The following ZNF804B variants were observed in gnomAD, a reference collection of about 807,000 sequenced individuals.
The protein encoded by ZNF804B is zinc finger protein 804B.
In ZNF804B, 80 loss-of-function variants were observed where a neutral mutation model predicts 101.4. That is an observed-to-expected ratio of 0.79 (90% CI 0.66 to 0.95). The LOEUF (loss-of-function observed/expected upper bound fraction) is 0.95, where lower values mean the gene tolerates loss of function less well. Ranked by LOEUF, ZNF804B falls within the 40% of genes least tolerant of loss-of-function variation. ZNF804B has a pLI of 0.00. For synonymous variants in ZNF804B, 622 were observed against 558.8 expected (o/e 1.11, Z -1.59); for missense variants, 1,673 against 1,561.9 (o/e 1.07, Z -1.20).
intron 1 of ZNF804B, among the ~76,000 whole-genome samples, chr7:89,019,349 A>G (rs570086083): frequency 6.6e-6 from 1 of 152,100 alleles, no homozygotes; most frequent in South Asian, 2.1e-4. Flanking sequence ...AACATACTTG[A>G]TGTTATTTCA....
chr7:89,023,140 C>T (rs1459286066), intron 1 of ZNF804B, among the ~76,000 whole-genome samples: 1 of 152,222 alleles, frequency 6.6e-6, no homozygotes, highest in East Asian at 1.9e-4. Context: ...TCTACCATCC[C>T]ATTTCTAATA....
At position 89,088,015 on chromosome 7, in the gene ZNF804B, GT is replaced by G. The variant is rs1562881155; in HGVS notation, c.109-130137del. On this transcript the variant is annotated intron_variant, in intron 1 of 3. Coordinates refer to ENST00000333190, the MANE Select transcript of ZNF804B (RefSeq NM_181646.5). ...ATATATATATATATTAATTTATTTC[GT>G]TTCCACCATAACTCTTCAAGAGAGT... is the stretch of plus-strand genomic sequence containing the variant. 8.6e-5 allele frequency among the ~76,000 whole-genome samples: 13 copies of G among 150,444 alleles called. No homozygotes were observed. The South Asian group carries it at 1.5e-3, about 17-fold the overall frequency.
intron 1 of ZNF804B, among the ~76,000 whole-genome samples, chr7:89,026,918 CT>C (rs1310041344): frequency 6.6e-6 from 1 of 152,052 alleles, no homozygotes; most frequent in Non-Finnish European, 1.5e-5. Flanking sequence ...ATTCAGAAAT[CT>C]TTAGCATAAA....
chr7:89,001,890 T>C (rs1788296132), intron 1 of ZNF804B, among the ~76,000 whole-genome samples: 1 of 151,746 alleles, frequency 6.6e-6, no homozygotes, highest in Admixed American at 6.6e-5. Context: ...CTTATCACAA[T>C]AAATATATTC....
intron 2 of ZNF804B, among the ~76,000 whole-genome samples, chr7:89,256,377 G>A (rs1789632053): frequency 6.6e-6 from 1 of 152,048 alleles, no homozygotes. Context: ...AAAATAGCAA[G>A]GTGCTAAATA....
At chr7:88,846,159 C>G (rs1043822245) in intron 1 of ZNF804B, among the ~76,000 whole-genome samples, 54 of 152,062 alleles carry the variant, frequency 3.6e-4, no homozygotes, top group African/African-American at 1.2e-3. Flanking sequence ...CTCTTGATGT[C>G]CAATAAATCT....
chr7:88,869,766 G>T (rs952086023), intron 1 of ZNF804B, among the ~76,000 whole-genome samples: 15 of 152,212 alleles, frequency 9.9e-5, no homozygotes, highest in African/African-American at 3.4e-4. Flanking sequence ...AGGTAGACTT[G>T]CAAGTATTAC....
intron 1 of ZNF804B, among the ~76,000 whole-genome samples, chr7:89,167,444 T>TATAA (rs3059362): frequency 0.12 from 13,195 of 112,448 alleles, 694 homozygotes; most frequent in South Asian, 0.23. Flanking sequence ...GACAGTGTCT[T>TATAA]ATAAATAAAT....
chr7:89,093,170 C>G (rs1583981986), intron 1 of ZNF804B, among the ~76,000 whole-genome samples: 1 of 152,242 alleles, frequency 6.6e-6, no homozygotes, highest in East Asian at 1.9e-4. Flanking sequence ...CTCTAACCAT[C>G]TTCCACTTAT....
chr7:89,186,611 C>CT (rs10714696), intron 1 of ZNF804B, among the ~76,000 whole-genome samples: 110 of 149,522 alleles, frequency 7.4e-4, no homozygotes, highest in South Asian at 4.4e-3. Flanking sequence ...TTAAGTGTTA[C>CT]TTTTTTTTTT....
chr7:88,799,643 C>T (rs28698661), intron 1 of ZNF804B, among the ~76,000 whole-genome samples: 3,136 of 152,072 alleles, frequency 0.021, 100 homozygotes, highest in African/African-American at 0.071. Context: ...GATTTATTGA[C>T]GCCTTTGGTG....
chr7:89,220,980 T>C (rs1240658950), intron 2 of ZNF804B, among the ~76,000 whole-genome samples: 1 of 151,954 alleles, frequency 6.6e-6, no homozygotes, highest in Non-Finnish European at 1.5e-5. Flanking sequence ...AATTCAGACA[T>C]ATTTTTTTCA....
At chr7:89,279,607 A>T (rs1790048335) in intron 2 of ZNF804B, among the ~76,000 whole-genome samples, 1 of 152,154 alleles carries the variant, frequency 6.6e-6, no homozygotes, top group Non-Finnish European at 1.5e-5. Flanking sequence ...CTATTGAGAT[A>T]ATCTTGTGGT....
intron 2 of ZNF804B, among the ~76,000 whole-genome samples, chr7:89,252,625 A>C (rs961385983): frequency 2.6e-5 from 4 of 152,208 alleles, no homozygotes; most frequent in African/African-American, 9.6e-5. Flanking sequence ...AAGACATGGA[A>C]TCAATCTAGA....
At chr7:88,807,431 T>G (rs1334189434) in intron 1 of ZNF804B, among the ~76,000 whole-genome samples, 1 of 152,234 alleles carries the variant, frequency 6.6e-6, no homozygotes, top group African/African-American at 2.4e-5. Context: ...AAGAGCTAGA[T>G]TAAATCTTGA....
At chr7:88,950,096 T>A (rs1207849423) in intron 1 of ZNF804B, among the ~76,000 whole-genome samples, 1 of 151,936 alleles carries the variant, frequency 6.6e-6, no homozygotes, top group African/African-American at 2.4e-5. Flanking sequence ...ACCTGGTAAA[T>A]CTCTGATAGA....
At chr7:88,861,894 G>A (rs1791652708) in intron 1 of ZNF804B, among the ~76,000 whole-genome samples, 1 of 152,110 alleles carries the variant, frequency 6.6e-6, no homozygotes, top group Non-Finnish European at 1.5e-5. Flanking sequence ...AGAATTATGG[G>A]AACAAGAAGG....
intron 1 of ZNF804B, among the ~76,000 whole-genome samples, chr7:89,192,085 A>T (rs887486814): frequency 6.6e-6 from 1 of 152,154 alleles, no homozygotes; most frequent in African/African-American, 2.4e-5. Context: ...GATGAAAAAT[A>T]AATTAGACTT....
At chr7:89,061,451 T>C (rs546396772) in intron 1 of ZNF804B, among the ~76,000 whole-genome samples, 1 of 151,814 alleles carries the variant, frequency 6.6e-6, no homozygotes, top group Non-Finnish European at 1.5e-5. Flanking sequence ...AAGTGTGAAT[T>C]TAAGCTTATG....
Sources: allele counts gnomAD v4.1 joint callset (sites outside exome capture counted in the v4.1 genomes callset), GRCh38; gene constraint gnomAD v4.1.1; transcripts MANE v1.5; gene names NCBI Gene and HGNC (gene_info 2026-07-23, HGNC 2026-07-21).